GRIN2B: variants seen among roughly 807,000 people sequenced by gnomAD.
GRIN2B encodes the protein glutamate ionotropic receptor NMDA type subunit 2B.
A neutral mutation model predicts 114.5 loss-of-function variants in GRIN2B; 5 were observed. That is an observed-to-expected ratio of 0.04 (90% CI 0.02 to 0.09). The LOEUF is 0.09. GRIN2B is among the 10% of genes least tolerant of loss of function. GRIN2B has a pLI of 1.00. For synonymous variants in GRIN2B, 787 were observed against 745.1 expected (o/e 1.06, Z -0.92); for missense variants, 1,108 against 1,943.5 (o/e 0.57, Z 8.08).
intron 4 of GRIN2B, among the ~76,000 whole-genome samples, chr12:13,687,413 C>G (rs1416654335): frequency 6.6e-6 from 1 of 152,102 alleles, no homozygotes. Flanking sequence ...TTGAAACTCC[C>G]CAATTTGGGG....
chr12:13,956,762 T>C (rs1011029402), intron 2 of GRIN2B, among the ~76,000 whole-genome samples: 8 of 152,142 alleles, frequency 5.3e-5, no homozygotes, highest in Admixed American at 5.2e-4. Flanking sequence ...CGACGGAACA[T>C]TTTTACGTGG....
chr12:13,750,015 C>T (rs1433423867), intron 4 of GRIN2B, among the ~76,000 whole-genome samples: 2 of 152,110 alleles, frequency 1.3e-5, no homozygotes, highest in East Asian at 1.9e-4. Flanking sequence ...AGGTGCAGAA[C>T]CCAAGTAAAG....
chr12:13,688,809 T>G (rs1017364991), intron 4 of GRIN2B, among the ~76,000 whole-genome samples: 3 of 152,204 alleles, frequency 2.0e-5, no homozygotes, highest in East Asian at 1.9e-4. Context: ...TTTGGAGCTA[T>G]AGTCAACTCT....
At chr12:13,587,318 C>T (rs899769496) in intron 10 of GRIN2B, among the ~76,000 whole-genome samples, 5 of 150,292 alleles carry the variant, frequency 3.3e-5, no homozygotes, top group Non-Finnish European at 5.9e-5. Context: ...GCCTGATGTA[C>T]ATTTTCTTTT....
chr12:13,719,833 C>T (rs931015260), intron 4 of GRIN2B, among the ~76,000 whole-genome samples: 17 of 152,182 alleles, frequency 1.1e-4, no homozygotes, highest in South Asian at 2.1e-4. Context: ...CAATCACTCT[C>T]GTTACTTGGT....
intron 10 of GRIN2B, among the ~76,000 whole-genome samples, chr12:13,597,002 C>T (rs1404164424): frequency 6.6e-6 from 1 of 152,204 alleles, no homozygotes; most frequent in African/African-American, 2.4e-5. Flanking sequence ...CTCTGGTAGG[C>T]AGTATCACAG....
chr12:13,617,291 G>T (rs928486231), intron 5 of GRIN2B, among the ~76,000 whole-genome samples: 2 of 152,226 alleles, frequency 1.3e-5, no homozygotes, highest in Non-Finnish European at 2.9e-5. Flanking sequence ...ATGAACATGG[G>T]TCAATGCAGA....
intron 3 of GRIN2B, among the ~76,000 whole-genome samples, chr12:13,792,413 G>A (rs1466104352): frequency 6.6e-6 from 1 of 152,216 alleles, no homozygotes; most frequent in Non-Finnish European, 1.5e-5. Context: ...TCCCAGCCTG[G>A]CCTGTGGGTC....
chr12:13,783,673 C>T (rs1428431089), intron 3 of GRIN2B, among the ~76,000 whole-genome samples: 2 of 152,088 alleles, frequency 1.3e-5, no homozygotes, highest in African/African-American at 2.4e-5. Flanking sequence ...CTGGGCTCTT[C>T]AACGGGATAA....
chr12:13,607,089 G>T (rs572907429), intron 10 of GRIN2B, among the ~76,000 whole-genome samples: 13 of 141,644 alleles, frequency 9.2e-5, no homozygotes, highest in East Asian at 2.0e-4. Context: ...CCCCACACTG[G>T]CAGCCCTGTG....
chr12:13,571,696 A>T, intron 11 of GRIN2B, 108 bp downstream of exon 11: 1 of 1,194,784 alleles, frequency 8.4e-7, no homozygotes, highest in Non-Finnish European at 1.2e-6. Context: ...AGTCTTCTTT[A>T]ACATTTTATG....
At chr12:13,837,972 A>G (rs1865308272) in intron 3 of GRIN2B, among the ~76,000 whole-genome samples, 1 of 152,216 alleles carries the variant, frequency 6.6e-6, no homozygotes, top group Non-Finnish European at 1.5e-5. Flanking sequence ...ATATTTGTTT[A>G]ATAGAAAATA....
intron 2 of GRIN2B, among the ~76,000 whole-genome samples, chr12:13,979,384 G>T (rs1863088957): frequency 6.6e-6 from 1 of 151,904 alleles, no homozygotes; most frequent in South Asian, 2.1e-4. Context: ...CCTTTAGACA[G>T]CAAGTGGATT....
intron 4 of GRIN2B, among the ~76,000 whole-genome samples, chr12:13,745,800 G>A (rs1421136419): frequency 6.6e-6 from 1 of 152,186 alleles, no homozygotes; most frequent in Non-Finnish European, 1.5e-5. Context: ...CCCTAAGGCA[G>A]ATCAGGTCAG....
intron 3 of GRIN2B, among the ~76,000 whole-genome samples, chr12:13,837,481 C>T (rs907871264): frequency 6.6e-6 from 1 of 152,272 alleles, no homozygotes; most frequent in African/African-American, 2.4e-5. Context: ...ATCAGAAGGG[C>T]GCCCTTCTCA....
intron 3 of GRIN2B, among the ~76,000 whole-genome samples, chr12:13,860,581 T>A (rs762662743): frequency 1.3e-4 from 20 of 152,090 alleles, no homozygotes; most frequent in Middle Eastern, 3.4e-3. Context: ...TGCCTCCGCC[T>A]CCAAAGTGCT....
intron 4 of GRIN2B, among the ~76,000 whole-genome samples, chr12:13,744,770 C>T (rs911497901): frequency 3.9e-5 from 6 of 152,178 alleles, no homozygotes; most frequent in Non-Finnish European, 8.8e-5. Flanking sequence ...CCAGCCAGCT[C>T]AGCTTGGAGA....
chr12:13,925,584 C>G (rs910984888), intron 2 of GRIN2B, among the ~76,000 whole-genome samples: 3 of 152,234 alleles, frequency 2.0e-5, no homozygotes, highest in African/African-American at 7.2e-5. Context: ...GCTTTATGAT[C>G]AAGCTGAATT....
intron 10 of GRIN2B, among the ~76,000 whole-genome samples, chr12:13,584,753 T>C (rs1265426969): frequency 6.6e-6 from 1 of 152,018 alleles, no homozygotes; most frequent in African/African-American, 2.4e-5. Flanking sequence ...TGTGACAGAG[T>C]TAGAGATGAT....
Sources: allele counts gnomAD v4.1 joint callset (sites outside exome capture counted in the v4.1 genomes callset), GRCh38; gene constraint gnomAD v4.1.1; transcripts MANE v1.5; gene names NCBI Gene and HGNC (gene_info 2026-07-23, HGNC 2026-07-21).